Variants in MFN2 observed in about 807,000 individuals in gnomAD.
The protein encoded by MFN2 is mitofusin-2.
A neutral mutation model predicts 87.5 loss-of-function variants in MFN2; 43 were observed. That is an observed-to-expected ratio of 0.49 (90% CI 0.38 to 0.63). The LOEUF (loss-of-function observed/expected upper bound fraction) is 0.63, where lower values mean the gene tolerates loss of function less well. Ranked by LOEUF, MFN2 falls within the 30% of genes least tolerant of loss-of-function variation. MFN2 has a pLI of 0.00. For missense variants in MFN2, 743 were observed against 972.8 expected, an observed-to-expected ratio of 0.76 and a Z score of 3.14; for synonymous variants, 337 against 359.9, an observed-to-expected ratio of 0.94 and a Z score of 0.72.
chr1:12,001,681 C>G, intron 9 of MFN2, 88 bp from the exon 10 acceptor site: 9 of 1,597,952 alleles, frequency 5.6e-6, no homozygotes, highest in Non-Finnish European at 7.7e-6. Flanking sequence ...GGCTCTTGCT[C>G]TTTAGCCAGT....
At chr1:11,992,917 C>T (rs998814562) in intron 4 of MFN2, among the ~76,000 whole-genome samples, 1 of 151,166 alleles carries the variant, frequency 6.6e-6, no homozygotes, top group African/African-American at 2.4e-5. Context: ...GATCCTCCCA[C>T]CTGAGCCTCC....
chr1:11,998,590 A>G (rs1639033708), intron 6 of MFN2, among the ~76,000 whole-genome samples, 180 bp from the exon 7 acceptor site: 4 of 152,146 alleles, frequency 2.6e-5, no homozygotes, highest in South Asian at 4.1e-4. Flanking sequence ...TTTCCAGGCA[A>G]TCTGGAAGGA....
chr1:11,996,605 G>A (rs1638917440), intron 5 of MFN2, among the ~76,000 whole-genome samples: 1 of 152,166 alleles, frequency 6.6e-6, no homozygotes, highest in Non-Finnish European at 1.5e-5. Flanking sequence ...TATGTGCTGT[G>A]TTCTTCCTTG....
intron 3 of MFN2, 152 bp downstream of exon 3, chr1:11,989,495 G>T: frequency 1.1e-6 from 1 of 886,684 alleles, no homozygotes; most frequent in Non-Finnish European, 1.7e-6. Context: ...TGTGGAATTG[G>T]AGTCTGGGGA....
At chr1:11,989,137 G>T (rs768751069) in intron 2 of MFN2, 28 bp from the exon 3 acceptor site, 16 of 1,612,804 alleles carry the variant, frequency 9.9e-6, no homozygotes, top group Non-Finnish European at 1.3e-5. Context: ...GGTGTTGCTG[G>T]GTTCGCTCAC....
intron 8 of MFN2, 65 bp downstream of exon 8, chr1:11,999,160 C>A: frequency 1.6e-6 from 2 of 1,277,990 alleles, no homozygotes; most frequent in Non-Finnish European, 2.3e-6. Context: ...GCCACTGGGG[C>A]CACTTCCTGC....
intron 2 of MFN2, among the ~76,000 whole-genome samples, chr1:11,985,455 CT>C (rs774330626): frequency 0.02 from 2,400 of 119,644 alleles, 54 homozygotes; most frequent in African/African-American, 0.05. Flanking sequence ...TCCTTGATCC[CT>C]TTTTTTTTTT....
intron 5 of MFN2, 149 bp from the exon 6 acceptor site, chr1:11,997,148 C>A: frequency 8.4e-7 from 1 of 1,195,366 alleles, no homozygotes; most frequent in Non-Finnish European, 1.2e-6. Flanking sequence ...TTATTGACAA[C>A]TCCCAGCTGT....
At chr1:11,980,881 C>T (rs1175773757) in intron 1 of MFN2, among the ~76,000 whole-genome samples, 2 of 152,228 alleles carry the variant, frequency 1.3e-5, no homozygotes, top group Non-Finnish European at 2.9e-5. Flanking sequence ...CTCGTTCAGC[C>T]CTGTTTACTT....
intron 16 of MFN2, 59 bp from the exon 17 acceptor site, chr1:12,006,994 C>T: frequency 1.2e-6 from 2 of 1,600,440 alleles, no homozygotes; most frequent in Non-Finnish European, 1.7e-6. Flanking sequence ...TAGTGATGGG[C>T]CCCAGAGGAG....
intron 2 of MFN2, among the ~76,000 whole-genome samples, chr1:11,984,054 C>T (rs549115137): frequency 6.6e-6 from 1 of 152,276 alleles, no homozygotes; most frequent in African/African-American, 2.4e-5. Context: ...GGCTGAACTC[C>T]CAGCAGACCT....
rs1263406133 is a variant in MFN2, at chr1:11,989,308, G to C, written c.140G>C (p.Gly47Ala). The change falls in exon 3 of 19, where the codon GGG becomes GCG. Residue 47 changes from glycine to alanine, a missense_variant. Physicochemically the swap from Gly to Ala is moderately conservative, Grantham distance 60 (BLOSUM62 0). This residue lies in a region of MFN2 where 141 missense variants were observed against 278.9 expected (regional missense o/e 0.51). Coordinates refer to ENST00000235329, the MANE Select transcript of MFN2 (RefSeq NM_014874.4). ...ATCAATGGCATTTTTGAGCAGCTGG[G>C]GGCCTACATCCAGGAGAGCGCCACC... ...KKINGIFEQL[G>A]AYIQESATFL... 1 of 1,614,074 alleles carries C rather than the reference G, an allele frequency of 6.2e-7. No homozygotes were observed. Among genetic ancestry groups the C allele is most frequent in the Non-Finnish European group, 8.5e-7 (1 of 1,180,026 alleles).
At chr1:12,009,204 G>T (rs1387869234) in intron 17 of MFN2, among the ~76,000 whole-genome samples, 1 of 151,742 alleles carries the variant, frequency 6.6e-6, no homozygotes, top group Non-Finnish European at 1.5e-5. Flanking sequence ...GAGAGGGAGA[G>T]GGAGACCGTG....
intron 8 of MFN2, among the ~76,000 whole-genome samples, chr1:12,000,469 C>T (rs1639123923): frequency 6.6e-6 from 1 of 152,180 alleles, no homozygotes; most frequent in Non-Finnish European, 1.5e-5. Flanking sequence ...GGATTACGGG[C>T]GTGAGCCACT....
intron 3 of MFN2, 102 bp downstream of exon 3, chr1:11,989,445 A>G: frequency 7.6e-7 from 1 of 1,316,070 alleles, no homozygotes. Context: ...CAGGGAAGTC[A>G]TAACCAGATA....
At position 12,006,043 on chromosome 1, in the gene MFN2, G is replaced by A. The variant is rs567005244; in HGVS notation, c.1716+112G>A. 1.1e-5 allele frequency: 11 copies of A among 986,422 alleles called. 1 individual carries two copies. The highest frequency in any genetic ancestry group is 8.0e-5 in the African/African-American group (5 of 62,742). The allele number at this position is 986,422 out of a possible 1,614,324, so 61.1% of individuals were successfully genotyped here. On this transcript the variant is annotated intron_variant, in intron 15 of 18. Transcript: ENST00000235329. ...TTCCCTAAGGTCAGCAGCTGTGGTG[G>A]TGTGCCCCACCACACAGTACACCAC...
At position 12,002,069 on chromosome 1, in the gene MFN2, A is replaced by T. The variant is rs863224967; in HGVS notation, c.1126A>T (p.Met376Leu). 6.2e-7 allele frequency: 1 copy of T among 1,614,220 alleles called. No individual in the cohort carries two copies. Among genetic ancestry groups the T allele is most frequent in the South Asian group, 1.1e-5 (1 of 91,084 alleles). Residue 376 changes from methionine (M) to leucine (L), a missense_variant, in exon 11 of 19, where the codon ATG (methionine) becomes TTG (leucine). By Grantham distance (15) the Met-to-Leu change is conservative. Transcript: ENST00000235329. Reference sequence around the variant, plus strand: ...GATTGCAGAGGCGGTTCGACTCATCATGGACTCCCTGCACATGGCGGCTCG... The same window carrying T: ...GATTGCAGAGGCGGTTCGACTCATCTTGGACTCCCTGCACATGGCGGCTCG... ...KQIAEAVRLI[M>L]DSLHMAAREQ...
chr1:11,982,975 G>A (rs1646012092), intron 2 of MFN2, among the ~76,000 whole-genome samples: 1 of 152,138 alleles, frequency 6.6e-6, no homozygotes. Context: ...TTTACAACAA[G>A]GCTTCCTTCC....
At chr1:12,002,540 C>T (rs1014030677) in intron 11 of MFN2, among the ~76,000 whole-genome samples, 1 of 152,184 alleles carries the variant, frequency 6.6e-6, no homozygotes, top group African/African-American at 2.4e-5. Flanking sequence ...TTTTAAAAAT[C>T]AGCTGGGTGT....
Sources: allele counts gnomAD v4.1 joint callset (sites outside exome capture counted in the v4.1 genomes callset), GRCh38; gene constraint gnomAD v4.1.1; regional missense constraint gnomAD v4.1.1; transcripts MANE v1.5; gene names NCBI Gene and HGNC (gene_info 2026-07-23, HGNC 2026-07-21).